The following STXBP4 variants were observed in gnomAD, a reference collection of about 807,000 sequenced individuals.
The protein encoded by STXBP4 is syntaxin binding protein 4, also known as syntaxin-binding protein 4.
A neutral mutation model predicts 76.1 loss-of-function variants in STXBP4; 55 were observed. That is an observed-to-expected ratio of 0.72 (90% CI 0.58 to 0.91). The LOEUF is 0.91. Among genes scored for constraint, STXBP4 ranks in the 40% least tolerant of loss-of-function variants. STXBP4 has a pLI of 0.00. For missense variants in STXBP4, 618 were observed against 636.9 expected, an observed-to-expected ratio of 0.97 and a Z score of 0.32; for synonymous variants, 201 against 220.2, an observed-to-expected ratio of 0.91 and a Z score of 0.77.
intron 10 of STXBP4, among the ~76,000 whole-genome samples, chr17:55,042,677 ATTG>A (rs1227554315): frequency 6.6e-6 from 1 of 151,994 alleles, no homozygotes; most frequent in Non-Finnish European, 1.5e-5. Context: ...ATTTTTTGTT[ATTG>A]TTATTCACTT....
At chr17:55,190,182 G>T in the STXBP4 span, among the ~76,000 whole-genome samples, 1 of 152,060 alleles carries the variant, frequency 6.6e-6, no homozygotes, top group African/African-American at 2.4e-5. Flanking sequence ...AATACTTATT[G>T]AACACCATAA....
chr17:55,010,305 T>C (rs1013471721), intron 8 of STXBP4, among the ~76,000 whole-genome samples: 2 of 152,016 alleles, frequency 1.3e-5, no homozygotes, highest in Non-Finnish European at 2.9e-5. Flanking sequence ...TATGTATATA[T>C]ACATGTGGCA....
chr17:55,058,352 TTTTGAGAAGTGTCTGTTCATA>T (rs2078957477), intron 12 of STXBP4, among the ~76,000 whole-genome samples: 1 of 152,222 alleles, frequency 6.6e-6, no homozygotes, highest in Admixed American at 6.5e-5. Context: ...AAATGCCTTC[TTTTGAGAAGTGTCTGTTCATA>T]TCCTTCACCC....
chr17:55,187,238 G>C, the STXBP4 span, among the ~76,000 whole-genome samples: 1 of 152,156 alleles, frequency 6.6e-6, no homozygotes, highest in African/African-American at 2.4e-5. Flanking sequence ...AGAGCAGAGA[G>C]GCAGGATGTC....
At chr17:55,093,659 A>T (rs930668158) in intron 16 of STXBP4, among the ~76,000 whole-genome samples, 2 of 152,212 alleles carry the variant, frequency 1.3e-5, no homozygotes, top group Non-Finnish European at 1.5e-5. Context: ...TAATCTTGGG[A>T]GTTTTAAGTT....
chr17:55,043,772 GA>G, intron 11 of STXBP4: 3 of 851,264 alleles, frequency 3.5e-6, no homozygotes, highest in South Asian at 4.0e-5. Context: ...TTTTAGAGAG[GA>G]AAAAAACACA....
chr17:54,984,234 T>G (rs1488343911), intron 1 of STXBP4, among the ~76,000 whole-genome samples: 1 of 152,142 alleles, frequency 6.6e-6, no homozygotes, highest in Non-Finnish European at 1.5e-5. Context: ...GAAGAAAAGA[T>G]AGGATGATCC....
At chr17:55,197,470 G>A in the STXBP4 span, among the ~76,000 whole-genome samples, 450 of 152,304 alleles carry the variant, frequency 3.0e-3, 3 homozygotes, top group African/African-American at 0.01. Flanking sequence ...GTGGCCAGGC[G>A]CTGTGGCTCA....
chr17:55,002,539 G>GT (rs996655766), intron 7 of STXBP4, among the ~76,000 whole-genome samples: 50 of 152,130 alleles, frequency 3.3e-4, no homozygotes, highest in African/African-American at 1.2e-3. Context: ...ACTATTTGCA[G>GT]TTTTTTGTGT....
chr17:54,984,408 T>G (rs1022860653), intron 1 of STXBP4, among the ~76,000 whole-genome samples: 8 of 144,632 alleles, frequency 5.5e-5, no homozygotes, highest in African/African-American at 2.0e-4. Flanking sequence ...AGTGGCACGG[T>G]CTTGGCTCAC....
chr17:55,142,272 C>T (rs918957317), intron 17 of STXBP4, among the ~76,000 whole-genome samples: 1 of 152,138 alleles, frequency 6.6e-6, no homozygotes, highest in Non-Finnish European at 1.5e-5. Flanking sequence ...ATTGACATTT[C>T]GAGAGCACAA....
the STXBP4 span, among the ~76,000 whole-genome samples, chr17:55,206,200 G>A: frequency 2.0e-5 from 3 of 152,000 alleles, no homozygotes; most frequent in African/African-American, 4.8e-5. Context: ...TATATATATT[G>A]TGTATGTGTC....
At chr17:55,015,039 G>GT (rs1335096131) in intron 8 of STXBP4, among the ~76,000 whole-genome samples, 1 of 152,142 alleles carries the variant, frequency 6.6e-6, no homozygotes, top group Non-Finnish European at 1.5e-5. Context: ...AGACTTTGAA[G>GT]TTTTTTCTAA....
chr17:55,195,113 G>T, the STXBP4 span, among the ~76,000 whole-genome samples: 1 of 152,172 alleles, frequency 6.6e-6, no homozygotes, highest in Non-Finnish European at 1.5e-5. Flanking sequence ...CACCTTATGG[G>T]TCAACAGTCA....
At chr17:55,108,301 T>C (rs1182973227) in intron 16 of STXBP4, among the ~76,000 whole-genome samples, 1 of 152,206 alleles carries the variant, frequency 6.6e-6, no homozygotes, top group African/African-American at 2.4e-5. Context: ...ACTGCTGGGC[T>C]GGCAGCAAGA....
chr17:55,130,355 T>C (rs922058096), intron 16 of STXBP4, among the ~76,000 whole-genome samples: 3 of 152,204 alleles, frequency 2.0e-5, no homozygotes, highest in Non-Finnish European at 2.9e-5. Context: ...GCTATAAAAG[T>C]ATAAACAGTA....
At chr17:55,047,785 A>C (rs1478075118) in intron 12 of STXBP4, among the ~76,000 whole-genome samples, 1 of 151,930 alleles carries the variant, frequency 6.6e-6, no homozygotes, top group African/African-American at 2.4e-5. Flanking sequence ...CAAAGAAAGC[A>C]GATAGAACCA....
intron 8 of STXBP4, among the ~76,000 whole-genome samples, chr17:55,028,295 T>C (rs533749334): frequency 6.6e-6 from 1 of 152,148 alleles, no homozygotes; most frequent in East Asian, 1.9e-4. Flanking sequence ...AGAAGGAGAA[T>C]GCTTTAAAAA....
intron 12 of STXBP4, among the ~76,000 whole-genome samples, chr17:55,054,527 G>A (rs185688689): frequency 3.3e-5 from 5 of 152,174 alleles, no homozygotes; most frequent in African/African-American, 1.2e-4. Context: ...TTGGCCTAAG[G>A]ATAAGTGCAG....
Sources: allele counts gnomAD v4.1 joint callset (sites outside exome capture counted in the v4.1 genomes callset), GRCh38; gene constraint gnomAD v4.1.1; transcripts MANE v1.5; gene names NCBI Gene and HGNC (gene_info 2026-07-23, HGNC 2026-07-21).